Variants in SRRM4 observed in about 807,000 individuals in gnomAD.
The protein encoded by SRRM4 is serine/arginine repetitive matrix 4, also known as serine/arginine repetitive matrix protein 4.
In SRRM4, 33 loss-of-function variants were observed where a neutral mutation model predicts 68.9. The observed-to-expected ratio is 0.48, with a 90% confidence interval of 0.36 to 0.64. The LOEUF (loss-of-function observed/expected upper bound fraction) is 0.64. SRRM4 is among the 30% of genes least tolerant of loss of function. SRRM4 has a pLI of 0.00. For synonymous variants in SRRM4, 318 were observed against 318.8 expected (o/e 1.00, Z 0.03); for missense variants, 817 against 827.1 (o/e 0.99, Z 0.15).
At chr12:119,140,363 G>A (rs947982631) in intron 8 of SRRM4, among the ~76,000 whole-genome samples, 19 of 144,964 alleles carry the variant, frequency 1.3e-4, no homozygotes, top group African/African-American at 5.0e-4. Flanking sequence ...GGGCAACAGA[G>A]CGAGACTCTG....
At chr12:119,012,240 A>G (rs774195394) in intron 1 of SRRM4, among the ~76,000 whole-genome samples, 10 of 152,216 alleles carry the variant, frequency 6.6e-5, no homozygotes, top group Non-Finnish European at 1.2e-4. Flanking sequence ...TAATTTGCTG[A>G]CCAAGGGCCA....
At chr12:118,991,408 A>G (rs1228886948) in intron 1 of SRRM4, among the ~76,000 whole-genome samples, 1 of 152,178 alleles carries the variant, frequency 6.6e-6, no homozygotes, top group African/African-American at 2.4e-5. Context: ...CTGCAGACTA[A>G]GTCATACCCC....
intron 8 of SRRM4, 41 bp downstream of exon 8, chr12:119,130,875 GAC>G: frequency 6.3e-7 from 1 of 1,580,044 alleles, no homozygotes; most frequent in Non-Finnish European, 8.6e-7. Context: ...CCTTGGCCAC[GAC>G]ACTTGGGGAA....
chr12:119,110,889 G>C (rs1012812408), intron 2 of SRRM4, among the ~76,000 whole-genome samples: 1 of 152,112 alleles, frequency 6.6e-6, no homozygotes, highest in African/African-American at 2.4e-5. Flanking sequence ...GAAATCACCC[G>C]TCTTCTGCAT....
chr12:119,146,253 CA>C (rs997207587), intron 9 of SRRM4, among the ~76,000 whole-genome samples: 44 of 151,900 alleles, frequency 2.9e-4, no homozygotes, highest in Non-Finnish European at 6.0e-4. Flanking sequence ...GCTAGGCAGG[CA>C]AAAAAACAGA....
chr12:119,130,154 T>C (rs1416048719), intron 7 of SRRM4, among the ~76,000 whole-genome samples: 1 of 151,278 alleles, frequency 6.6e-6, no homozygotes, highest in African/African-American at 2.4e-5. Flanking sequence ...GATGGATGGA[T>C]GGATAGATGA....
In SRRM4 at chr12:119,154,054, G is replaced by T. The variant is rs372164996; in HGVS notation, c.1392-189G>T. Among the ~76,000 whole-genome samples, 3 of 151,892 alleles carry T rather than the reference G, an allele frequency of 2.0e-5. No homozygotes were observed. The highest frequency in any genetic ancestry group is 7.2e-5 in the African/African-American group (3 of 41,400). On this transcript the variant is annotated intron_variant, in intron 11 of 12. Coordinates refer to ENST00000267260, the MANE Select transcript of SRRM4 (RefSeq NM_194286.4). The surrounding 1 kb of genome is among the most constrained non-coding windows in gnomAD (Gnocchi z 4.7). ...CACAAGCCCAGCCCCCACCCCTACG[G>T]TACTAACAACCCTCGCAGACTCTTA...
At chr12:119,003,291 T>C (rs539909122) in intron 1 of SRRM4, among the ~76,000 whole-genome samples, 1 of 151,666 alleles carries the variant, frequency 6.6e-6, no homozygotes, top group South Asian at 2.1e-4. Context: ...ACCAGCGTCA[T>C]CCAATCTAAG....
chr12:118,987,935 G>T (rs2135987982), intron 1 of SRRM4, among the ~76,000 whole-genome samples: 1 of 152,236 alleles, frequency 6.6e-6, no homozygotes, highest in South Asian at 2.1e-4. Context: ...ATATTTGGGG[G>T]ATACATAGTG....
chr12:119,151,536 G>A (rs1004049444), intron 10 of SRRM4, among the ~76,000 whole-genome samples: 1 of 152,196 alleles, frequency 6.6e-6, no homozygotes, highest in Non-Finnish European at 1.5e-5. Context: ...ATGAGCTAAT[G>A]TGTATCAATT....
At chr12:119,048,322 TC>T (rs1442145327) in intron 1 of SRRM4, among the ~76,000 whole-genome samples, 1 of 152,162 alleles carries the variant, frequency 6.6e-6, no homozygotes, top group Admixed American at 6.5e-5. Flanking sequence ...GGGAAATAAT[TC>T]CCAGTGGCCT....
intron 9 of SRRM4, among the ~76,000 whole-genome samples, chr12:119,149,391 T>C (rs1954424758): frequency 6.6e-6 from 1 of 152,132 alleles, no homozygotes; most frequent in Non-Finnish European, 1.5e-5. Context: ...TTGTTGGGAA[T>C]GAAATGATGC....
At chr12:119,015,226 C>G (rs935100525) in intron 1 of SRRM4, among the ~76,000 whole-genome samples, 1 of 152,172 alleles carries the variant, frequency 6.6e-6, no homozygotes, top group Non-Finnish European at 1.5e-5. Context: ...AATCCGCCAG[C>G]AGGTCTATCA....
chr12:119,105,667 G>C (rs1954103350), intron 2 of SRRM4, among the ~76,000 whole-genome samples: 1 of 152,140 alleles, frequency 6.6e-6, no homozygotes, highest in Admixed American at 6.5e-5. Flanking sequence ...TGATGGGGTT[G>C]TTTGATTTTT....
In SRRM4 at chr12:119,079,603, G is replaced by A. The variant is rs372465955; in HGVS notation, c.132-22633G>A. ...AGCCATTTACTCATGTTCACCTGCC[G>A]CATTGCACACTTAGCCTTGCCCTGT... On this transcript the variant is annotated intron_variant, in intron 1 of 12. Transcript: ENST00000267260. Among the ~76,000 whole-genome samples the A allele has an allele frequency of 2.6e-5, 4 of 152,250 alleles. No homozygotes were observed. The South Asian group carries it at 6.2e-4, about 24-fold the overall frequency.
intron 1 of SRRM4, among the ~76,000 whole-genome samples, chr12:119,018,822 T>C (rs1281752467): frequency 6.6e-6 from 1 of 152,054 alleles, no homozygotes; most frequent in Non-Finnish European, 1.5e-5. Flanking sequence ...CCTCAGTTTT[T>C]TAAAAAGTAG....
intron 1 of SRRM4, among the ~76,000 whole-genome samples, chr12:119,070,938 A>T (rs1953874259): frequency 6.6e-6 from 1 of 152,192 alleles, no homozygotes; most frequent in Non-Finnish European, 1.5e-5. Flanking sequence ...TCTGAGGCTC[A>T]GAGATTAAAC....
chr12:119,000,328 C>A (rs1207205640), intron 1 of SRRM4, among the ~76,000 whole-genome samples: 1 of 152,208 alleles, frequency 6.6e-6, no homozygotes, highest in East Asian at 1.9e-4. Context: ...CTGAAGTGAA[C>A]AAGGTGACTG....
chr12:118,982,886 C>G (rs1273530949), intron 1 of SRRM4, among the ~76,000 whole-genome samples: 2 of 151,954 alleles, frequency 1.3e-5, no homozygotes, highest in African/African-American at 4.8e-5. Flanking sequence ...CAATTCTTTT[C>G]ATAAATCATT....
Sources: gnomAD v4.1 joint callset for allele counts (sites outside exome capture counted in the v4.1 genomes callset) on GRCh38, gnomAD v4.1.1 for gene constraint, Gnocchi (gnomAD v3.1) non-coding constraint, MANE v1.5 for transcripts, NCBI Gene and HGNC (gene_info 2026-07-23, HGNC 2026-07-21) for gene names.